The following FOXJ3 variants were observed in gnomAD, a reference collection of about 807,000 sequenced individuals.
FOXJ3 encodes forkhead box protein J3.
In FOXJ3, 22 loss-of-function variants were observed where a neutral mutation model predicts 76.1. The observed-to-expected ratio is 0.29, with a 90% confidence interval of 0.21 to 0.41. The LOEUF is 0.41. Ranked by LOEUF, FOXJ3 falls within the 10% of genes least tolerant of loss-of-function variation. The pLI is 1.00. For missense variants in FOXJ3, 613 were observed against 762.1 expected, an observed-to-expected ratio of 0.80 and a Z score of 2.30; for synonymous variants, 269 against 261.2, an observed-to-expected ratio of 1.03 and a Z score of -0.29.
At chr1:42,298,418 A>G (rs1653924262) in intron 2 of FOXJ3, among the ~76,000 whole-genome samples, 1 of 152,138 alleles carries the variant, frequency 6.6e-6, no homozygotes, top group Non-Finnish European at 1.5e-5. Flanking sequence ...CTTTCCAGGA[A>G]TTTGTGCATT....
In FOXJ3 at chr1:42,196,685, T is replaced by TC. The variant is rs1320591211; in HGVS notation, c.760-1622dup. 6.6e-5 allele frequency among the ~76,000 whole-genome samples: 10 copies of TC among 152,260 alleles called. No individual in the cohort carries two copies. The South Asian group carries it at 1.9e-3, about 28-fold the overall frequency. ...TTCAGTCTGGGCGACAGAGAGAGACTCCATCTCAAAAACAACAAAAAAAGC... is the reference window on the plus strand; with the variant it reads ...TTCAGTCTGGGCGACAGAGAGAGACTCCCATCTCAAAAACAACAAAAAAAGC... On this transcript the variant is annotated intron_variant, in intron 7 of 12. Coordinates refer to ENST00000361346, the MANE Select transcript of FOXJ3 (RefSeq NM_014947.5).
intron 5 of FOXJ3, among the ~76,000 whole-genome samples, chr1:42,206,227 C>G (rs1453192929): frequency 6.6e-6 from 1 of 152,200 alleles, no homozygotes. Flanking sequence ...CCACAGACTA[C>G]CTTTCTAGAT....
intron 4 of FOXJ3, among the ~76,000 whole-genome samples, chr1:42,264,571 AC>A (rs1651324054): frequency 6.6e-6 from 1 of 152,112 alleles, no homozygotes; most frequent in Admixed American, 6.5e-5. Flanking sequence ...AGACCAAGCA[AC>A]TAGGACCAAG....
At chr1:42,211,542 G>C (rs1646966136) in intron 5 of FOXJ3, among the ~76,000 whole-genome samples, 1 of 151,496 alleles carries the variant, frequency 6.6e-6, no homozygotes, top group African/African-American at 2.4e-5. Flanking sequence ...CCACCACTGG[G>C]GTATTGCCTT....
At chr1:42,290,100 G>A (rs1653322832) in intron 2 of FOXJ3, among the ~76,000 whole-genome samples, 1 of 152,000 alleles carries the variant, frequency 6.6e-6, no homozygotes, top group African/African-American at 2.4e-5. Context: ...CTATGCTGGA[G>A]GAGAAGAAAA....
chr1:42,195,087 C>T (rs1370795867), intron 7 of FOXJ3, 23 bp from the exon 8 acceptor site: 11 of 1,558,266 alleles, frequency 7.1e-6, no homozygotes, highest in Non-Finnish European at 9.6e-6. Flanking sequence ...GAAAACACAA[C>T]TAATTCAGCC....
chr1:42,191,066 C>T (rs1176337613), intron 9 of FOXJ3, among the ~76,000 whole-genome samples: 2 of 94,804 alleles, frequency 2.1e-5, no homozygotes, highest in Non-Finnish European at 4.6e-5. Context: ...AAATTATAAA[C>T]AAGAGTTAAA....
chr1:42,303,076 C>T (rs1654254906), intron 2 of FOXJ3, among the ~76,000 whole-genome samples: 1 of 151,652 alleles, frequency 6.6e-6, no homozygotes, highest in African/African-American at 2.4e-5. Flanking sequence ...TTTATAGTAC[C>T]CTCAATTAAG....
chr1:42,262,895 G>A (rs1651162994), intron 4 of FOXJ3, among the ~76,000 whole-genome samples: 1 of 152,024 alleles, frequency 6.6e-6, no homozygotes, highest in Non-Finnish European at 1.5e-5. Flanking sequence ...ACCTCACTTT[G>A]AGACTGAAAA....
At chr1:42,252,635 G>A (rs891977990) in intron 4 of FOXJ3, among the ~76,000 whole-genome samples, 16 of 145,158 alleles carry the variant, frequency 1.1e-4, no homozygotes, top group African/African-American at 4.1e-4. Flanking sequence ...CTTCAGTTCT[G>A]CTCTGATTTT....
intron 2 of FOXJ3, among the ~76,000 whole-genome samples, chr1:42,294,853 T>C: frequency 6.7e-6 from 1 of 148,658 alleles, no homozygotes; most frequent in East Asian, 2.0e-4. Context: ...AATGAAGAAA[T>C]AAATTAGATT....
At chr1:42,223,655 T>C (rs925288156) in intron 5 of FOXJ3, among the ~76,000 whole-genome samples, 1 of 152,226 alleles carries the variant, frequency 6.6e-6, no homozygotes, top group African/African-American at 2.4e-5. Context: ...TCTGAATCAC[T>C]TCAGTTGGTC....
rs1646334179 is a variant in FOXJ3, at chr1:42,181,996, A to T, written c.1674T>A (p.Asn558Lys). ...TGNLYIDSRQNLPPSVMPPPG... is the reference protein window; with the variant it reads ...TGNLYIDSRQKLPPSVMPPPG... ...GGGGTGGCATCACTGAAGGAGGGAG[A>T]TTTTGCCTAGAATCTATGTACAAAT... The change falls in exon 12 of 13, where the codon AAT becomes AAA. Residue 558 changes from asparagine to lysine, a missense_variant. This residue lies in a region of FOXJ3 where 526 missense variants were observed against 601.4 expected (regional missense o/e 0.87). Coordinates refer to ENST00000361346, the MANE Select transcript of FOXJ3 (RefSeq NM_014947.5). The T allele has an allele frequency of 6.2e-7, 1 of 1,612,820 alleles. No homozygotes were observed. The highest frequency in any genetic ancestry group is 1.3e-5 in the African/African-American group (1 of 74,850).
chr1:42,250,264 G>C (rs1350313926), intron 4 of FOXJ3, among the ~76,000 whole-genome samples: 1 of 152,120 alleles, frequency 6.6e-6, no homozygotes, highest in African/African-American at 2.4e-5. Context: ...TAAAAACCAG[G>C]ATCTGAAAAG....
At chr1:42,233,985 T>C (rs1339233137) in intron 4 of FOXJ3, among the ~76,000 whole-genome samples, 1 of 152,216 alleles carries the variant, frequency 6.6e-6, no homozygotes, top group East Asian at 1.9e-4. Context: ...ACCTAATTTA[T>C]TGAGAGTTTT....
chr1:42,307,464 C>G (rs1176511203), intron 2 of FOXJ3, among the ~76,000 whole-genome samples: 6 of 152,142 alleles, frequency 3.9e-5, no homozygotes, highest in Non-Finnish European at 5.9e-5. Flanking sequence ...CTTTGTGATA[C>G]TTTAGTTTTG....
At chr1:42,181,278 T>C (rs980876077) in intron 12 of FOXJ3, among the ~76,000 whole-genome samples, 1 of 152,228 alleles carries the variant, frequency 6.6e-6, no homozygotes, top group Admixed American at 6.5e-5. Flanking sequence ...TAAGATACTT[T>C]CCAGCTCTAA....
At chr1:42,265,010 A>T (rs768582196) in intron 4 of FOXJ3, 105 bp downstream of exon 4, 3 of 798,202 alleles carry the variant, frequency 3.8e-6, no homozygotes, top group Non-Finnish European at 6.8e-6. Context: ...GGGAGGACTT[A>T]CTATTTTGCA....
intron 2 of FOXJ3, among the ~76,000 whole-genome samples, chr1:42,291,025 TATAGATAGATAGATAGATAGATAG>T (rs80123722): frequency 5.2e-5 from 7 of 134,244 alleles, no homozygotes; most frequent in East Asian, 4.4e-4. Context: ...AAAAGACCCA[TATAGATAGATAGATAGATAGATAG>T]ATAGATAGAT....
Sources: gnomAD v4.1 joint callset for allele counts (sites outside exome capture counted in the v4.1 genomes callset) on GRCh38, gnomAD v4.1.1 for gene constraint, gnomAD v4.1.1 regional missense constraint, MANE v1.5 for transcripts, NCBI Gene and HGNC (gene_info 2026-07-23, HGNC 2026-07-21) for gene names.